The following MRE11 variants were observed in gnomAD, a reference collection of about 807,000 sequenced individuals.
MRE11 encodes double-strand break repair protein MRE11.
Under a neutral mutation model 91.7 loss-of-function variants are expected in MRE11, and 62 were observed. The observed-to-expected ratio is 0.68, with a 90% CI of 0.55 to 0.84. The LOEUF (loss-of-function observed/expected upper bound fraction) is 0.84. Among genes scored for constraint, MRE11 ranks in the 40% least tolerant of loss-of-function variants. The pLI, the probability that MRE11 is intolerant of heterozygous loss-of-function variation, is 0.00. For synonymous variants in MRE11, 273 were observed against 271.4 expected (o/e 1.01, Z -0.06); for missense variants, 796 against 852.9 (o/e 0.93, Z 0.83).
chr11:94,464,390 T>C, intron 10 of MRE11, 151 bp from the exon 11 acceptor site: 3 of 1,063,386 alleles, frequency 2.8e-6, no homozygotes, highest in Non-Finnish European at 4.1e-6. Context: ...TGGAGCTATA[T>C]CATTTATCCT....
intron 3 of MRE11, among the ~76,000 whole-genome samples, chr11:94,488,286 TGA>T (rs771862164): frequency 9.9e-5 from 15 of 152,132 alleles, no homozygotes; most frequent in Non-Finnish European, 2.1e-4. Context: ...ATTCTATTAT[TGA>T]AAAGTCAAAA....
intron 19 of MRE11, among the ~76,000 whole-genome samples, chr11:94,423,443 G>A (rs1462897679): frequency 2.6e-5 from 4 of 152,190 alleles, no homozygotes; most frequent in Non-Finnish European, 5.9e-5. Flanking sequence ...TCATATCTAA[G>A]GCAGCTGCAG....
At position 94,447,259 on chromosome 11, in the gene MRE11, C is replaced by A; in HGVS notation, c.1743G>T (p.Gly581=). 6.2e-7 allele frequency: 1 copy of A among 1,613,920 alleles called. No homozygotes were observed. The highest frequency in any genetic ancestry group is 2.2e-5 in the East Asian group (1 of 44,874). The change falls in exon 15 of 20, where the codon GGG becomes GGT. Residue 581 remains glycine (G), a synonymous_variant. Coordinates refer to ENST00000323929, the MANE Select transcript of MRE11 (RefSeq NM_005591.4). The part of the protein sequence containing the change: ...GRGRGRRGGR[G]QNSASRGGSQ... ...ACCCTCCTCTCGATGCTGAATTCTGCCCTCTTCCACCTCTTCGACCTCTTC... is the reference window on the plus strand; with the variant it reads ...ACCCTCCTCTCGATGCTGAATTCTGACCTCTTCCACCTCTTCGACCTCTTC...
chr11:94,435,760 T>C (rs964674500), intron 18 of MRE11, 72 bp downstream of exon 18: 35 of 1,305,478 alleles, frequency 2.7e-5, no homozygotes, highest in Non-Finnish European at 3.2e-5. Context: ...TAGAAAAATG[T>C]GTAACTTTGG....
chr11:94,476,239 T>C, intron 7 of MRE11, 50 bp downstream of exon 7: 1 of 1,191,200 alleles, frequency 8.4e-7, no homozygotes, highest in Non-Finnish European at 1.3e-6. Context: ...CAGAAACAGA[T>C]TTGGGAAGCC....
chr11:94,472,823 A>T (rs1004615417), intron 7 of MRE11: 1 of 152,162 alleles, frequency 6.6e-6, no homozygotes, highest in African/African-American at 2.4e-5. Flanking sequence ...CAAAAAATCC[A>T]AAATCTTAAA....
chr11:94,441,484 G>T (rs893585419), intron 16 of MRE11, among the ~76,000 whole-genome samples: 1 of 152,118 alleles, frequency 6.6e-6, no homozygotes, highest in African/African-American at 2.4e-5. Flanking sequence ...AAGTAACAAA[G>T]CATGGAAGGA....
In MRE11 at chr11:94,461,009, A is replaced by T. The variant is rs769500356; in HGVS notation, c.1253T>A (p.Ile418Asn). The T allele has an allele frequency of 8.7e-6, 14 of 1,613,576 alleles. No individual in the cohort carries two copies. In the South Asian group the frequency reaches 8.8e-5, roughly 10 times the overall value. The change falls in exon 12 of 20, where the codon ATC becomes AAC. Residue 418 changes from isoleucine (I) to asparagine (N), a missense_variant. Coordinates refer to ENST00000323929, the MANE Select transcript of MRE11 (RefSeq NM_005591.4). The part of the protein sequence containing the change: ...TGEEINFGKL[I>N]TKPSEGTTLR... ...AGTTGTTCCTTCTGAAGGCTTTGTG[A>T]TAAGTTTCCCAAAGTTGATCTCTTC...
intron 18 of MRE11, among the ~76,000 whole-genome samples, chr11:94,434,157 C>T (rs997334140): frequency 1.3e-5 from 2 of 152,148 alleles, no homozygotes; most frequent in Non-Finnish European, 2.9e-5. Flanking sequence ...TAGCATACCA[C>T]TAAAGTGTAA....
chr11:94,510,207 C>A, the MRE11 span, among the ~76,000 whole-genome samples: 1 of 151,946 alleles, frequency 6.6e-6, no homozygotes, highest in Non-Finnish European at 1.5e-5. Context: ...AGCTATATTT[C>A]TTCTTGTGTC....
chr11:94,426,786 C>T (rs1945332528), intron 19 of MRE11, among the ~76,000 whole-genome samples: 1 of 152,086 alleles, frequency 6.6e-6, no homozygotes, highest in Non-Finnish European at 1.5e-5. Context: ...ACTATTCACA[C>T]ACATTAGAAA....
chr11:94,445,890 T>G lies in MRE11; in HGVS notation c.1787A>C (p.Asp596Ala). 6.2e-7 allele frequency: 1 copy of G among 1,612,780 alleles called. No individual in the cohort carries two copies. The highest frequency in any genetic ancestry group is 8.5e-7 in the Non-Finnish European group (1 of 1,178,756). ...ACGGGTAGAAGTCTCCAGACCAGTG[T>G]CTGCTGTTAGAAAAATGAACAGTCA... Reference protein sequence around the residue: ...SRGGSQRGRADTGLETSTRSR... With the variant: ...SRGGSQRGRAATGLETSTRSR... Residue 596 changes from aspartate to alanine, a missense_variant, in exon 16 of 20, where the codon GAC becomes GCC. Asp to Ala is a moderately radical substitution (Grantham distance 126). Coordinates refer to ENST00000323929, the MANE Select transcript of MRE11 (RefSeq NM_005591.4).
At chr11:94,436,008 C>A in intron 17 of MRE11, 109 bp from the exon 18 acceptor site, 5 of 990,584 alleles carry the variant, frequency 5.0e-6, no homozygotes, top group Admixed American at 3.7e-5. Flanking sequence ...ATATGAGCCA[C>A]AAAAAAGGAG....
chr11:94,481,309 G>GA (rs904214899), intron 4 of MRE11, among the ~76,000 whole-genome samples: 19 of 145,802 alleles, frequency 1.3e-4, no homozygotes, highest in East Asian at 2.0e-4. Context: ...ACTCTGTCTC[G>GA]AAAAAAAAAA....
intron 9 of MRE11, among the ~76,000 whole-genome samples, chr11:94,469,907 T>G (rs956199298): frequency 6.6e-6 from 1 of 152,188 alleles, no homozygotes; most frequent in Non-Finnish European, 1.5e-5. Flanking sequence ...CACATATTAT[T>G]AAATGCATTA....
At chr11:94,465,093 G>A (rs893891919) in intron 10 of MRE11, among the ~76,000 whole-genome samples, 1 of 152,102 alleles carries the variant, frequency 6.6e-6, no homozygotes, top group Admixed American at 6.6e-5. Context: ...CCTATATCCT[G>A]CAGCATCCAT....
chr11:94,492,174 CGCCTCTCGGGTTCA>C (rs1202261092), intron 2 of MRE11, among the ~76,000 whole-genome samples: 2 of 152,006 alleles, frequency 1.3e-5, no homozygotes, highest in Non-Finnish European at 2.9e-5. Context: ...CTGCAACCTC[CGCCTCTCGGGTTCA>C]AATGATACTC....
Position 94,419,054 on chromosome 11 carries a change from G to A in MRE11, c.*1071C>T, listed in dbSNP as rs1945095398. 4.3e-6 allele frequency: 1 copy of A among 231,848 alleles called. No individual in the cohort carries two copies. 14.4% of individuals were successfully genotyped at this position (231,848 alleles called of 1,614,324 possible). A position where few individuals can be genotyped will look rare whatever the true frequency, so the allele number is the denominator to read the frequency against. The stretch of plus-strand genomic sequence containing the variant: ...AGCTGTCGCATAAAACTAGAAGAAG[G>A]AATAATCTCAGGGATCTTTTTACAG... On this transcript the variant is annotated 3_prime_UTR_variant, in exon 20 of 20. Transcript: ENST00000323929.
intron 14 of MRE11, among the ~76,000 whole-genome samples, chr11:94,451,859 G>GCA (rs200332053): frequency 6.6e-6 from 1 of 151,954 alleles, no homozygotes; most frequent in South Asian, 2.1e-4. Flanking sequence ...GAAAGAGAGG[G>GCA]CACACACACA....
Sources: gnomAD v4.1 joint callset for allele counts (sites outside exome capture counted in the v4.1 genomes callset) on GRCh38, gnomAD v4.1.1 for gene constraint, MANE v1.5 for transcripts, NCBI Gene and HGNC (gene_info 2026-07-23, HGNC 2026-07-21) for gene names.